SRR: variants seen among roughly 807,000 people sequenced by gnomAD.
The protein encoded by SRR is serine racemase.
SRR carries 19 observed loss-of-function variants against 32.7 expected under a neutral mutation model. That is an observed-to-expected ratio of 0.58 (90% CI 0.40 to 0.85). SRR has a LOEUF of 0.85. Among genes scored for constraint, SRR ranks in the 40% least tolerant of loss-of-function variants. The pLI is 0.00. For missense variants in SRR, 373 were observed against 404.7 expected, an observed-to-expected ratio of 0.92 and a Z score of 0.67; for synonymous variants, 142 against 140.9, an observed-to-expected ratio of 1.01 and a Z score of -0.06.
At chr17:2,320,251 C>CTTTTTTT (rs35025479) in intron 4 of SRR, among the ~76,000 whole-genome samples, 2 of 76,748 alleles carry the variant, frequency 2.6e-5, no homozygotes, top group East Asian at 4.6e-4. Flanking sequence ...CATCTCTCAT[C>CTTTTTTT]TTTTTTTTTT....
chr17:2,324,863 T>C lies in SRR; in HGVS notation c.*990T>C. 2 of 1,588,874 alleles carry C rather than the reference T, an allele frequency of 1.3e-6. No homozygotes were observed. Among genetic ancestry groups the C allele is most frequent in the Non-Finnish European group, 8.5e-7 (1 of 1,171,170 alleles). ...CAAAAGCAAAGAAGCTATTTAGGAATTTACAGGCCAAAGTCTTCATTTATT... is the reference window on the plus strand; with the variant it reads ...CAAAAGCAAAGAAGCTATTTAGGAACTTACAGGCCAAAGTCTTCATTTATT... On this transcript the variant is annotated 3_prime_UTR_variant, in exon 8 of 8. Transcript: ENST00000344595.
chr17:2,316,869 C>T (rs1160258959), intron 2 of SRR, among the ~76,000 whole-genome samples: 18 of 147,144 alleles, frequency 1.2e-4, no homozygotes, highest in African/African-American at 3.1e-4. Flanking sequence ...CCTGCCACCA[C>T]GCCCAGCTAA....
At chr17:2,320,860 C>A (rs1242810388) in intron 4 of SRR, among the ~76,000 whole-genome samples, 1 of 152,240 alleles carries the variant, frequency 6.6e-6, no homozygotes, top group African/African-American at 2.4e-5. Flanking sequence ...CTGCACCCAG[C>A]CTTGACCTCA....
upstream of SRR, chr17:2,303,501 G>A (rs1473111082): frequency 1.5e-6 from 2 of 1,327,114 alleles, no homozygotes; most frequent in South Asian, 2.0e-5. Context: ...GGTCCGCCGC[G>A]GCCCCAGCGC....
At chr17:2,321,278 C>A (rs1282951856) in intron 4 of SRR, 28 bp from the exon 5 acceptor site, 4 of 1,609,724 alleles carry the variant, frequency 2.5e-6, no homozygotes, top group African/African-American at 2.7e-5. Context: ...AAATACAAAT[C>A]AATTAAGCTA....
In SRR at chr17:2,306,882, G is replaced by A. The variant is rs189324242; in HGVS notation, c.-5+2865G>A. 2.3e-4 allele frequency: 206 copies of A among 912,068 alleles called. No individual in the cohort carries two copies. The East Asian group carries it at 3.4e-3, about 15-fold the overall frequency. 56.5% of individuals were successfully genotyped at this position (912,068 alleles called of 1,614,324 possible). A position where few individuals can be genotyped will look rare whatever the true frequency, so the allele number is the denominator to read the frequency against. The stretch of plus-strand genomic sequence containing the variant: ...ATTCTGAGCAATGGGGAACACTCGC[G>A]GACTGTGTGGTAATGAGAGATCCAA... On this transcript the variant is annotated intron_variant, in intron 1 of 7. Transcript: ENST00000344595.
At chr17:2,318,060 C>T (rs2075492188) in intron 3 of SRR, 64 bp downstream of exon 3, 3 of 1,480,580 alleles carry the variant, frequency 2.0e-6, no homozygotes, top group Admixed American at 2.1e-5. Flanking sequence ...CCCTTAATTT[C>T]AGTGAGAGTG....
At chr17:2,314,704 G>A (rs1335635110) in intron 1 of SRR, among the ~76,000 whole-genome samples, 1 of 151,290 alleles carries the variant, frequency 6.6e-6, no homozygotes, top group Admixed American at 6.6e-5. Context: ...GGTGAGCCAG[G>A]ACTGCACCAG....
rs2075551019 is a variant in SRR, at chr17:2,323,417, A to C, written c.804+72A>C. 1.1e-5 allele frequency: 18 copies of C among 1,566,230 alleles called. No individual in the cohort carries two copies. The South Asian group carries it at 1.9e-4, about 17-fold the overall frequency. On this transcript the variant is annotated intron_variant, in intron 7 of 7. Transcript: ENST00000344595. ...TTAGGCAGAAGAAACTTCCCTTAGG[A>C]GTAGCAAGTGACCCACGGGAACCTG...
chr17:2,303,846 CT>C (rs1198302938), upstream of SRR: 36 of 761,900 alleles, frequency 4.7e-5, no homozygotes, highest in Non-Finnish European at 7.1e-5. Flanking sequence ...GCCGCCCTCC[CT>C]TTCCGAACGA....
At chr17:2,307,066 A>G (rs2075396709) in intron 1 of SRR, 1 of 1,170,640 alleles carries the variant, frequency 8.5e-7, no homozygotes, top group Non-Finnish European at 1.3e-6. Context: ...TGCCCACTTA[A>G]CTATGGAAAA....
In SRR at chr17:2,323,942, G is replaced by C; in HGVS notation, c.*69G>C. The C allele has an allele frequency of 1.3e-5, 18 of 1,398,962 alleles. No homozygotes were observed. Among genetic ancestry groups the C allele is most frequent in the Non-Finnish European group, 1.8e-5 (18 of 1,005,610 alleles). 86.7% of individuals were successfully genotyped at this position (1,398,962 alleles called of 1,614,324 possible). A position where few individuals can be genotyped will look rare whatever the true frequency, so the allele number is the denominator to read the frequency against. ...TGAAGACATTTTGTTTCCTAGTATT[G>C]TCAACTCTTAGTTATCAGATTCTTA... is the stretch of plus-strand genomic sequence containing the variant. On this transcript the variant is annotated 3_prime_UTR_variant, in exon 8 of 8. Transcript: ENST00000344595.
At chr17:2,314,189 C>T (rs1477703999) in intron 1 of SRR, among the ~76,000 whole-genome samples, 1 of 152,178 alleles carries the variant, frequency 6.6e-6, no homozygotes, top group South Asian at 2.1e-4. Flanking sequence ...GTGACTCACG[C>T]CTATAATCCC....
In SRR at chr17:2,303,978, G is replaced by A. The variant is rs1166894771; in HGVS notation, c.-44G>A. The A allele has an allele frequency of 5.5e-6, 2 of 362,624 alleles. No homozygotes were observed. Among genetic ancestry groups the A allele is most frequent in the Non-Finnish European group, 4.9e-6 (1 of 203,456 alleles). The allele number at this position is 362,624 out of a possible 1,614,324, so 22.5% of individuals were successfully genotyped here. A position where few individuals can be genotyped will look rare whatever the true frequency, so the allele number is the denominator to read the frequency against. ...CGCAGAGGTGCGGCCGGGGAGGCGCGCGGAGGCTGGAGCTGGAGGCGCGGC... is the reference window on the plus strand; with the variant it reads ...CGCAGAGGTGCGGCCGGGGAGGCGCACGGAGGCTGGAGCTGGAGGCGCGGC... On this transcript the variant is annotated 5_prime_UTR_variant, in exon 1 of 8. Coordinates refer to ENST00000344595, the MANE Select transcript of SRR (RefSeq NM_021947.3).
chr17:2,316,562 G>A (rs945189873), intron 2 of SRR, among the ~76,000 whole-genome samples: 2 of 152,126 alleles, frequency 1.3e-5, no homozygotes, highest in Non-Finnish European at 1.5e-5. Flanking sequence ...TGGGCCACAC[G>A]GCAAAACTCT....
intron 2 of SRR, among the ~76,000 whole-genome samples, chr17:2,316,243 A>AC (rs1199828808): frequency 6.6e-6 from 1 of 152,188 alleles, no homozygotes; most frequent in Admixed American, 6.6e-5. Context: ...TTGTATAAGT[A>AC]CACTCTATGG....
Position 2,325,172 on chromosome 17 carries a change from G to A in SRR, c.*1299G>A, listed in dbSNP as rs981519278. The A allele has an allele frequency of 1.4e-5, 10 of 705,486 alleles. No homozygotes were observed. Among genetic ancestry groups the A allele is most frequent in the Non-Finnish European group, 2.1e-5 (9 of 428,654 alleles). The allele number at this position is 705,486 out of a possible 1,614,324, so 43.7% of individuals were successfully genotyped here. A position where few individuals can be genotyped will look rare whatever the true frequency, so the allele number is the denominator to read the frequency against. On this transcript the variant is annotated 3_prime_UTR_variant, in exon 8 of 8. Transcript: ENST00000344595. ...TGTTCTATTAACAATGTTAAATGAAGACTTACTGTATTTTGAAAACCATCA... is the reference window on the plus strand; with the variant it reads ...TGTTCTATTAACAATGTTAAATGAAAACTTACTGTATTTTGAAAACCATCA...
intron 1 of SRR, among the ~76,000 whole-genome samples, chr17:2,310,357 C>T (rs1282459798): frequency 1.3e-5 from 2 of 152,084 alleles, no homozygotes; most frequent in African/African-American, 4.8e-5. Context: ...ATTACCACTA[C>T]AGGCGCCTGC....
chr17:2,314,350 G>A (rs1217667938), intron 1 of SRR, among the ~76,000 whole-genome samples: 4 of 152,118 alleles, frequency 2.6e-5, no homozygotes, highest in Non-Finnish European at 4.4e-5. Context: ...TTGGGAGGCC[G>A]AGGCAGGCGG....
Sources: gnomAD v4.1 joint callset for allele counts (sites outside exome capture counted in the v4.1 genomes callset) on GRCh38, gnomAD v4.1.1 for gene constraint, MANE v1.5 for transcripts, NCBI Gene and HGNC (gene_info 2026-07-23, HGNC 2026-07-21) for gene names.